CPLX1: variants seen among roughly 807,000 people sequenced by gnomAD.
The protein encoded by CPLX1 is complexin 1, also known as complexin-1.
In CPLX1, 6 loss-of-function variants were observed where a neutral mutation model predicts 15.6. That is an observed-to-expected ratio of 0.39 (90% CI 0.21 to 0.76). CPLX1 has a LOEUF of 0.76. Ranked by LOEUF, CPLX1 falls within the 30% of genes least tolerant of loss-of-function variation. CPLX1 has a pLI of 0.43. For missense variants in CPLX1, 242 were observed against 188.6 expected, an observed-to-expected ratio of 1.28 and a Z score of -1.66; for synonymous variants, 91 against 75.2, an observed-to-expected ratio of 1.21 and a Z score of -1.08.
At chr4:791,897 G>A (rs1405731749) in intron 3 of CPLX1, among the ~76,000 whole-genome samples, 1 of 152,228 alleles carries the variant, frequency 6.6e-6, no homozygotes, top group Non-Finnish European at 1.5e-5. Context: ...GAGCCACCGA[G>A]GAAGCCGGAG....
intron 2 of CPLX1, among the ~76,000 whole-genome samples, chr4:803,621 G>A (rs1199614180): frequency 6.6e-6 from 1 of 150,760 alleles, no homozygotes; most frequent in Non-Finnish European, 1.5e-5. Context: ...TCCTGACCTC[G>A]TGATCTGCCC....
At position 786,702 on chromosome 4, in the gene CPLX1, C is replaced by G; in HGVS notation, c.208-4G>C. On this transcript the variant is annotated splice_polypyrimidine_tract_variant and splice_region_variant and intron_variant, in intron 3 of 3. Coordinates refer to ENST00000304062, the MANE Select transcript of CPLX1 (RefSeq NM_006651.4). ...CCTCCTTCTTCTTGATGCCGTACTG[C>G]GGGGGAGGCGGGGGTCAGGGCGGGG... 6.5e-7 allele frequency: 1 copy of G among 1,546,772 alleles called. No homozygotes were observed. Among genetic ancestry groups the G allele is most frequent in the South Asian group, 1.1e-5 (1 of 87,094 alleles).
chr4:823,500 T>C (rs1400471503), intron 2 of CPLX1, among the ~76,000 whole-genome samples: 1 of 152,172 alleles, frequency 6.6e-6, no homozygotes, highest in African/African-American at 2.4e-5. Context: ...AAGGTGTGAA[T>C]GGCATCAGGT....
intron 2 of CPLX1, 60 bp from the exon 3 acceptor site, chr4:792,668 T>C: frequency 5.2e-6 from 8 of 1,534,232 alleles, no homozygotes; most frequent in Non-Finnish European, 5.3e-6. Context: ...CGGGCTAGTG[T>C]CTCAGCCACA....
intron 2 of CPLX1, among the ~76,000 whole-genome samples, chr4:823,946 C>T (rs1035311342): frequency 3.9e-5 from 6 of 152,268 alleles, no homozygotes; most frequent in African/African-American, 1.4e-4. Context: ...TTCCTTCGCT[C>T]CCGTAACCAG....
intron 2 of CPLX1, among the ~76,000 whole-genome samples, chr4:822,068 G>A (rs6817287): frequency 0.36 from 55,304 of 151,840 alleles, 10,427 homozygotes; most frequent in African/African-American, 0.46. Flanking sequence ...TTTCTAATGC[G>A]TCTCTCTCCC....
At chr4:803,302 T>C (rs981557393) in intron 2 of CPLX1, among the ~76,000 whole-genome samples, 1 of 152,206 alleles carries the variant, frequency 6.6e-6, no homozygotes, top group African/African-American at 2.4e-5. Flanking sequence ...GACACAGTCA[T>C]GTGCCACATA....
At chr4:820,768 C>T (rs929931818) in intron 2 of CPLX1, among the ~76,000 whole-genome samples, 1 of 151,890 alleles carries the variant, frequency 6.6e-6, no homozygotes, top group East Asian at 2.0e-4. Context: ...AAGGTGGACA[C>T]CCCTCACCAG....
chr4:791,268 A>G (rs997462036), intron 3 of CPLX1, among the ~76,000 whole-genome samples: 51 of 151,210 alleles, frequency 3.4e-4, no homozygotes, highest in African/African-American at 1.2e-3. Context: ...GGAAACGTCC[A>G]GTGACCCTGG....
At chr4:821,009 C>G (rs922915940) in intron 2 of CPLX1, among the ~76,000 whole-genome samples, 1 of 152,176 alleles carries the variant, frequency 6.6e-6, no homozygotes, top group South Asian at 2.1e-4. Flanking sequence ...AATCCTCCCC[C>G]TCACGCCAAA....
intron 2 of CPLX1, among the ~76,000 whole-genome samples, chr4:804,403 A>C (rs1361356673): frequency 1.3e-5 from 2 of 152,236 alleles, no homozygotes; most frequent in South Asian, 4.1e-4. Flanking sequence ...TAGAAACAGG[A>C]ACAGGAATGA....
At chr4:809,102 A>G (rs950170583) in intron 2 of CPLX1, among the ~76,000 whole-genome samples, 1 of 152,380 alleles carries the variant, frequency 6.6e-6, no homozygotes, top group East Asian at 1.9e-4. Flanking sequence ...TGGGAAACAC[A>G]GTGAGTACTC....
intron 2 of CPLX1, among the ~76,000 whole-genome samples, chr4:799,058 A>C (rs1191218319): frequency 6.6e-6 from 1 of 152,144 alleles, no homozygotes; most frequent in Non-Finnish European, 1.5e-5. Context: ...CCTTGTTATA[A>C]TGTTGGGGCC....
intron 2 of CPLX1, among the ~76,000 whole-genome samples, chr4:807,241 G>A (rs945105994): frequency 3.9e-5 from 6 of 152,258 alleles, no homozygotes; most frequent in South Asian, 2.1e-4. Flanking sequence ...ACCAAACACC[G>A]CATGTTCTCA....
chr4:800,477 A>AAAAAATAT, intron 2 of CPLX1, among the ~76,000 whole-genome samples: 2 of 146,850 alleles, frequency 1.4e-5, no homozygotes, highest in South Asian at 2.2e-4. Flanking sequence ...TCTACTAAAA[A>AAAAAATAT]ATATATATAT....
Position 792,427 on chromosome 4 carries a change from G to A in CPLX1, c.207+6C>T, listed in dbSNP as rs781445446. On this transcript the variant is annotated splice_donor_region_variant and intron_variant, in intron 3 of 3. Coordinates refer to ENST00000304062, the MANE Select transcript of CPLX1 (RefSeq NM_006651.4). ...TTCCCGCAGGCGGGGCCGGCCCGGC[G>A]CGCACCTTGTCTCGGATGCCCTGGC... 3 of 1,543,772 alleles carry A rather than the reference G, an allele frequency of 1.9e-6. No individual in the cohort carries two copies. Among genetic ancestry groups the A allele is most frequent in the Non-Finnish European group, 2.6e-6 (3 of 1,146,816 alleles).
intron 2 of CPLX1, among the ~76,000 whole-genome samples, chr4:814,615 G>T (rs538936215): frequency 3.7e-4 from 56 of 152,314 alleles, no homozygotes; most frequent in African/African-American, 1.3e-3. Context: ...AAAAATCTTC[G>T]AACTTGTTTC....
In CPLX1 at chr4:785,144, C is replaced by G. The variant is rs1745940635; in HGVS notation, c.*1357G>C. On this transcript the variant is annotated 3_prime_UTR_variant, in exon 4 of 4. Coordinates refer to ENST00000304062, the MANE Select transcript of CPLX1 (RefSeq NM_006651.4). ...CAGGTTCTACGAGAGGACGCCCTGT[C>G]TGCTCAGAGCTGGCTTTGTAAGGTG... 1 of 152,250 alleles carries G rather than the reference C, an allele frequency of 6.6e-6. No homozygotes were observed. Among genetic ancestry groups the G allele is most frequent in the Non-Finnish European group, 1.5e-5 (1 of 68,056 alleles). 9.4% of individuals were successfully genotyped at this position (152,250 alleles called of 1,614,324 possible). A position where few individuals can be genotyped will look rare whatever the true frequency, so the allele number is the denominator to read the frequency against.
intron 2 of CPLX1, among the ~76,000 whole-genome samples, chr4:799,380 C>T (rs1317892522): frequency 6.6e-6 from 1 of 152,232 alleles, no homozygotes; most frequent in Non-Finnish European, 1.5e-5. Flanking sequence ...TTCCAGAGAG[C>T]TGGGCACATG....
Sources: allele counts gnomAD v4.1 joint callset (sites outside exome capture counted in the v4.1 genomes callset), GRCh38; gene constraint gnomAD v4.1.1; transcripts MANE v1.5; gene names NCBI Gene and HGNC (gene_info 2026-07-23, HGNC 2026-07-21).